Variants in CD4 observed in about 807,000 individuals in gnomAD.
CD4 encodes the protein T-cell surface glycoprotein CD4.
In CD4, 25 loss-of-function variants were observed where a neutral mutation model predicts 50.5. The ratio of observed to expected loss-of-function variants is 0.49; its 90% CI spans 0.36 to 0.69. The LOEUF (loss-of-function observed/expected upper bound fraction) is 0.69, where lower values mean the gene tolerates loss of function less well. CD4 is among the 30% of genes least tolerant of loss of function. The pLI is 0.00. For synonymous variants in CD4, 207 were observed against 221.9 expected (o/e 0.93, Z 0.60); for missense variants, 456 against 548.5 (o/e 0.83, Z 1.68).
rs1287161689 is a variant in CD4 at position 6,817,246 on chromosome 12, G to A, written c.1072G>A (p.Val358Met). 7 of 1,609,236 alleles carry A rather than the reference G, an allele frequency of 4.3e-6. No homozygotes were observed. Among genetic ancestry groups the A allele is most frequent in the Non-Finnish European group, 3.4e-6 (4 of 1,177,496 alleles). Reference protein sequence around the residue: ...EAKVSKREKAVWVLNPEAGMW... With the variant: ...EAKVSKREKAMWVLNPEAGMW... Reference sequence around the variant, plus strand: ...AAAGGTCTCGAAGCGGGAGAAGGCGGTGTGGGTGCTGAACCCTGAGGCGGG... The same window carrying A: ...AAAGGTCTCGAAGCGGGAGAAGGCGATGTGGGTGCTGAACCCTGAGGCGGG... Residue 358 changes from valine to methionine, a missense_variant, in exon 7 of 10, where the codon GTG becomes ATG. Transcript: ENST00000011653.
intron 3 of CD4, among the ~76,000 whole-genome samples, chr12:6,806,972 C>G (rs1057286219): frequency 6.6e-6 from 1 of 152,086 alleles, no homozygotes; most frequent in Admixed American, 6.5e-5. Flanking sequence ...TCGAGACCAT[C>G]CTGGCTAACA....
chr12:6,811,377 G>A (rs1942929705), intron 3 of CD4, among the ~76,000 whole-genome samples: 1 of 152,102 alleles, frequency 6.6e-6, no homozygotes, highest in African/African-American at 2.4e-5. Context: ...AGAGGCCAAA[G>A]GAGACACATA....
At chr12:6,796,105 G>C (rs1354365526) in intron 1 of CD4, among the ~76,000 whole-genome samples, 1 of 152,188 alleles carries the variant, frequency 6.6e-6, no homozygotes, top group Non-Finnish European at 1.5e-5. Flanking sequence ...ATTCAATTTG[G>C]CTTAAGTTAG....
rs1222190659 is a variant in CD4 at position 6,818,140 on chromosome 12, CAT to C, written c.1157-280_1157-279del. 1.3e-5 allele frequency among the ~76,000 whole-genome samples: 2 copies of C among 152,046 alleles called. No individual in the cohort carries two copies. The highest frequency in any genetic ancestry group is 2.9e-5 in the Non-Finnish European group (2 of 67,978). On this transcript the variant is annotated intron_variant, in intron 7 of 9. Transcript: ENST00000011653. The surrounding 1 kb of genome is among the most constrained non-coding windows in gnomAD (Gnocchi z 5.0). ...TTCACACCATTCACACACGCACACA[CAT>C]GCACACACTCACACATGCACACACA...
At chr12:6,799,801 G>T (rs1555114904) in intron 1 of CD4, among the ~76,000 whole-genome samples, 1 of 152,150 alleles carries the variant, frequency 6.6e-6, no homozygotes, top group African/African-American at 2.4e-5. Flanking sequence ...CCATCTCTTA[G>T]GAGCTGCTCC....
At chr12:6,808,555 A>T (rs1409192380) in intron 3 of CD4, among the ~76,000 whole-genome samples, 1 of 142,260 alleles carries the variant, frequency 7.0e-6, no homozygotes, top group Non-Finnish European at 1.5e-5. Context: ...TCTTCTTTTT[A>T]AAAAGCCAAG....
At chr12:6,817,022 A>G in intron 6 of CD4, 108 bp from the exon 7 acceptor site, 1 of 926,930 alleles carries the variant, frequency 1.1e-6, no homozygotes, top group Non-Finnish European at 1.7e-6. Context: ...GTAGGACTGC[A>G]TGAAAACCTG....
intron 3 of CD4, among the ~76,000 whole-genome samples, chr12:6,810,157 T>TG (rs1338389823): frequency 6.9e-6 from 1 of 144,666 alleles, no homozygotes; most frequent in East Asian, 2.1e-4. Context: ...CCCAGAGTGC[T>TG]GGGATTACAG....
At position 6,816,104 on chromosome 12, in the gene CD4, TGGA is replaced by T; in HGVS notation, c.658_660del (p.Glu220del). The T allele has an allele frequency of 6.2e-7, 1 of 1,614,010 alleles. No individual in the cohort carries two copies. Among genetic ancestry groups the T allele is most frequent in the South Asian group, 1.1e-5 (1 of 91,072 alleles). On this transcript the variant is annotated inframe_deletion, in exon 6 of 10. Transcript: ENST00000011653. The surrounding 1 kb of genome is among the most constrained non-coding windows in gnomAD (Gnocchi z 4.9). ...GTCTATAAGAAAGAGGGGGAACAGG[TGGA>T]GTTCTCCTTCCCACTCGCCTTTACA...
chr12:6,805,662 A>G (rs190535370), intron 3 of CD4, among the ~76,000 whole-genome samples: 9 of 152,332 alleles, frequency 5.9e-5, no homozygotes, highest in Admixed American at 3.9e-4. Context: ...ATGGAGAGAC[A>G]TGCTGTACTC....
chr12:6,819,119 T>A (rs1555118628), intron 9 of CD4, among the ~76,000 whole-genome samples, 180 bp from the exon 10 acceptor site: 20 of 150,520 alleles, frequency 1.3e-4, no homozygotes. Context: ...TGGGAAAAGA[T>A]GGCCAGGAGC....
chr12:6,795,822 G>C (rs1181594261), intron 1 of CD4, among the ~76,000 whole-genome samples: 1 of 152,160 alleles, frequency 6.6e-6, no homozygotes, highest in Non-Finnish European at 1.5e-5. Context: ...TCTCATCTCT[G>C]AAAGGCACTT....
At position 6,808,613 on chromosome 12, in the gene CD4, A is replaced by G. The variant is rs1233140970; in HGVS notation, c.215-5529A>G. Among the ~76,000 whole-genome samples, 11 of 151,946 alleles carry G rather than the reference A, an allele frequency of 7.2e-5. No individual in the cohort carries two copies. The East Asian group carries it at 9.6e-4, about 13-fold the overall frequency. On this transcript the variant is annotated intron_variant, in intron 3 of 9. Transcript: ENST00000011653. ...TTATCTTAAGACAACTTAGAAATGT[A>G]TATTATTAGTATTTTCTATTTCATT...
chr12:6,805,835 G>A (rs902073793), intron 3 of CD4, among the ~76,000 whole-genome samples: 2 of 151,970 alleles, frequency 1.3e-5, no homozygotes, highest in African/African-American at 4.8e-5. Context: ...CTAGCACTTT[G>A]GGAGGCTGAG....
At chr12:6,815,642 T>C in intron 5 of CD4, 4 of 997,632 alleles carry the variant, frequency 4.0e-6, no homozygotes, top group Non-Finnish European at 5.6e-6. Flanking sequence ...TACCTCGTAT[T>C]AAGTTGAGGA....
rs1555117657 is a variant in CD4, at chr12:6,814,911, C to A, written c.526C>A (p.Leu176Ile). 6.2e-7 allele frequency: 1 copy of A among 1,613,580 alleles called. No individual in the cohort carries two copies. Among genetic ancestry groups the A allele is most frequent in the Admixed American group, 1.7e-5 (1 of 59,958 alleles). Residue 176 changes from leucine (L) to isoleucine (I), a missense_variant, in exon 5 of 10, where the codon CTC becomes ATC. By Grantham distance (5) the Leu-to-Ile change is conservative (BLOSUM62 2). Coordinates refer to ENST00000011653, the MANE Select transcript of CD4 (RefSeq NM_000616.5). ...GACCCTCTCCGTGTCTCAGCTGGAGCTCCAGGATAGTGGCACCTGGACATG... is the reference window on the plus strand; with the variant it reads ...GACCCTCTCCGTGTCTCAGCTGGAGATCCAGGATAGTGGCACCTGGACATG... ...GKTLSVSQLE[L>I]QDSGTWTCTV...
chr12:6,818,742 T>C lies in CD4; in HGVS notation c.1279-105T>C, dbSNP rs1215336408. The C allele has an allele frequency of 1.6e-6, 2 of 1,213,572 alleles. No individual in the cohort carries two copies. The highest frequency in any genetic ancestry group is 2.3e-5 in the East Asian group (1 of 42,958). 75.2% of individuals were successfully genotyped at this position (1,213,572 alleles called of 1,614,324 possible). A position where few individuals can be genotyped will look rare whatever the true frequency, so the allele number is the denominator to read the frequency against. ...ATTCCAGGATAGATGGCCTGGGCCATGTAACTGCTTCTCCTGTCGCAGCTT... is the reference window on the plus strand; with the variant it reads ...ATTCCAGGATAGATGGCCTGGGCCACGTAACTGCTTCTCCTGTCGCAGCTT... On this transcript the variant is annotated intron_variant, in intron 8 of 9. Coordinates refer to ENST00000011653, the MANE Select transcript of CD4 (RefSeq NM_000616.5). The surrounding 1 kb of genome is among the most constrained non-coding windows in gnomAD (Gnocchi z 5.0).
chr12:6,798,224 C>T (rs1942430990), intron 1 of CD4, among the ~76,000 whole-genome samples: 1 of 134,832 alleles, frequency 7.4e-6, no homozygotes, highest in Non-Finnish European at 1.7e-5. Flanking sequence ...GGCTGGAGTG[C>T]AGTGGCGCGA....
intron 7 of CD4, among the ~76,000 whole-genome samples, chr12:6,817,927 A>G (rs1389538822): frequency 2.0e-5 from 3 of 151,734 alleles, no homozygotes; most frequent in African/African-American, 4.9e-5. Context: ...TCGTACACGT[A>G]CACTCACACA....
Sources: allele counts gnomAD v4.1 joint callset (sites outside exome capture counted in the v4.1 genomes callset), GRCh38; gene constraint gnomAD v4.1.1; non-coding constraint Gnocchi (gnomAD v3.1); transcripts MANE v1.5; gene names NCBI Gene and HGNC (gene_info 2026-07-23, HGNC 2026-07-21).